Variants in PGM1 observed in about 807,000 individuals in gnomAD.
PGM1 encodes phosphoglucomutase 1.
PGM1 carries 52 observed loss-of-function variants against 55.6 expected under a neutral mutation model. The ratio of observed to expected loss-of-function variants is 0.94; its 90% CI spans 0.75 to 1.18. PGM1 has a LOEUF of 1.18. Among genes scored for constraint, PGM1 ranks in the 50% most tolerant of loss-of-function variants. PGM1 has a pLI of 0.00. For missense variants in PGM1, 724 were observed against 729.3 expected, an observed-to-expected ratio of 0.99 and a Z score of 0.08; for synonymous variants, 287 against 271.7, an observed-to-expected ratio of 1.06 and a Z score of -0.55.
chr1:63,623,581 C>T (rs373963576), intron 1 of PGM1: 532 of 1,612,638 alleles, frequency 3.3e-4, no homozygotes, highest in Non-Finnish European at 4.1e-4. Context: ...AAGTGGATTA[C>T]GGAAGAAAAC....
At position 63,631,695 on chromosome 1, in the gene PGM1, C is replaced by G; in HGVS notation, c.595C>G (p.Leu199Val). The G allele has an allele frequency of 6.2e-7, 1 of 1,612,850 alleles. No individual in the cohort carries two copies. The highest frequency in any genetic ancestry group is 8.5e-7 in the Non-Finnish European group (1 of 1,178,868). ...TTCGGTAGAAGCTTATGCTACAATG[C>G]TGAGAAGCATCTTTGATTTCAGTGC... ...VDSVEAYATM[L>V]RSIFDFSALK... Residue 199 changes from leucine to valine, a missense_variant, in exon 4 of 11, where the codon CTG (leucine) becomes GTG (valine). Physicochemically the swap from Leu to Val is conservative, Grantham distance 32 (BLOSUM62 1). Transcript: ENST00000371084.
intron 1 of PGM1, among the ~76,000 whole-genome samples, chr1:63,615,798 C>T (rs1648697130): frequency 1.3e-5 from 2 of 151,684 alleles, no homozygotes; most frequent in Admixed American, 6.6e-5. Context: ...CAGGAGTTCT[C>T]TCCTCTTCTT....
intron 1 of PGM1, among the ~76,000 whole-genome samples, chr1:63,603,499 CA>C (rs1648299637): frequency 6.6e-6 from 1 of 152,212 alleles, no homozygotes; most frequent in African/African-American, 2.4e-5. Context: ...CCTCGAGGCA[CA>C]TTGGTTTTTA....
At chr1:63,638,570 T>C in intron 6 of PGM1, 115 bp from the exon 7 acceptor site, 1 of 780,648 alleles carries the variant, frequency 1.3e-6, no homozygotes, top group South Asian at 1.4e-5. Flanking sequence ...TATGTATGAC[T>C]CTGAGCAATG....
chr1:63,639,179 G>A (rs1319649413), intron 7 of PGM1, among the ~76,000 whole-genome samples: 1 of 151,862 alleles, frequency 6.6e-6, no homozygotes, highest in African/African-American at 2.4e-5. Context: ...TCGGTTTTTT[G>A]TTTTTATTTA....
At chr1:63,624,901 ATCTGAATGC>A (rs1648979608) in intron 1 of PGM1, among the ~76,000 whole-genome samples, 1 of 152,230 alleles carries the variant, frequency 6.6e-6, no homozygotes. Context: ...CAGTTTCAGA[ATCTGAATGC>A]CTCTCATGTA....
At chr1:63,623,461 A>G (rs1305573759) in intron 1 of PGM1, 9 of 1,611,422 alleles carry the variant, frequency 5.6e-6, no homozygotes, top group Non-Finnish European at 7.6e-6. Context: ...GAAGTGAAGG[A>G]TGAGTGATTT....
chr1:63,625,280 G>A (rs749563754), intron 1 of PGM1, among the ~76,000 whole-genome samples: 23 of 152,172 alleles, frequency 1.5e-4, no homozygotes, highest in Non-Finnish European at 3.1e-4. Flanking sequence ...AGTGATAATT[G>A]ACTAAATATG....
chr1:63,636,176 G>A (rs1213320363), intron 5 of PGM1, 58 bp from the exon 6 acceptor site: 2 of 1,513,768 alleles, frequency 1.3e-6, no homozygotes, highest in East Asian at 4.5e-5. Flanking sequence ...ATGAAAGATA[G>A]TTTGATTTCT....
At chr1:63,636,560 C>G (rs1439487937) in intron 6 of PGM1, among the ~76,000 whole-genome samples, 172 bp downstream of exon 6, 1 of 152,148 alleles carries the variant, frequency 6.6e-6, no homozygotes, top group Non-Finnish European at 1.5e-5. Context: ...GGATTCAATG[C>G]CCCTCTCCGC....
Position 63,633,904 on chromosome 1 carries a change from GTGTGTGTGTGTGTGTATATA to G in PGM1, c.683-923_683-904del, listed in dbSNP as rs1279361025. Among the ~76,000 whole-genome samples, 159 of 35,992 alleles carry G rather than the reference GTGTGTGTGTGTGTGTATATA, an allele frequency of 4.4e-3. 4 individuals carry two copies. The highest frequency in any genetic ancestry group is 0.027 in the African/African-American group (152 of 5,550). 23.6% of individuals were successfully genotyped at this position (35,992 alleles called of 152,430 possible). On this transcript the variant is annotated intron_variant, in intron 4 of 10. Transcript: ENST00000371084. ...TGTGTGTGTGTGTGTGTGTGTGTGT[GTGTGTGTGTGTGTGTATATA>G]TATATATATTTTTTTTTTTTTTTTT...
At chr1:63,637,592 G>T (rs1263406283) in intron 6 of PGM1, among the ~76,000 whole-genome samples, 3 of 152,214 alleles carry the variant, frequency 2.0e-5, no homozygotes, top group Non-Finnish European at 2.9e-5. Context: ...AGTCAGGGAA[G>T]TTAGCAGTCT....
At position 63,593,596 on chromosome 1, in the gene PGM1, G is replaced by A. The variant is rs748607957; in HGVS notation, c.108G>A (p.Ala36=). The change falls in exon 1 of 11, where the codon GCG becomes GCA. Residue 36 remains alanine, a synonymous_variant. Coordinates refer to ENST00000371084, the MANE Select transcript of PGM1 (RefSeq NM_002633.3). ...TGTTCCAGAGCAGCGCCAACTACGC[G>A]GAGAACTTCATCCAGAGTATCATCT... The part of the protein sequence containing the change: ...VKVFQSSANY[A]ENFIQSIIST... The A allele has an allele frequency of 3.7e-6, 6 of 1,613,606 alleles. No homozygotes were observed. Among genetic ancestry groups the A allele is most frequent in the Admixed American group, 3.3e-5 (2 of 59,980 alleles).
chr1:63,604,652 CT>C (rs1648361180), intron 1 of PGM1, among the ~76,000 whole-genome samples: 1 of 152,112 alleles, frequency 6.6e-6, no homozygotes, highest in African/African-American at 2.4e-5. Context: ...AGAAGGAACA[CT>C]AGAAATATGT....
At chr1:63,636,593 C>T (rs1265251947) in intron 6 of PGM1, among the ~76,000 whole-genome samples, 1 of 152,164 alleles carries the variant, frequency 6.6e-6, no homozygotes, top group African/African-American at 2.4e-5. Context: ...CCCTGGGCCT[C>T]CTCCTCCTGG....
intron 1 of PGM1, among the ~76,000 whole-genome samples, chr1:63,594,660 G>T (rs979480037): frequency 5.3e-5 from 8 of 151,726 alleles, no homozygotes; most frequent in Admixed American, 2.6e-4. Context: ...GGAAATGTGG[G>T]GCCGGGCATG....
At chr1:63,639,019 C>T (rs1381576985) in intron 7 of PGM1, among the ~76,000 whole-genome samples, 1 of 152,102 alleles carries the variant, frequency 6.6e-6, no homozygotes, top group African/African-American at 2.4e-5. Flanking sequence ...ATCATATCGA[C>T]TCAGACAGGA....
chr1:63,613,259 CTTTTTTTT>C (rs11377805), intron 1 of PGM1, among the ~76,000 whole-genome samples: 3 of 107,830 alleles, frequency 2.8e-5, no homozygotes, highest in Admixed American at 1.0e-4. Flanking sequence ...GTTGGCTTAT[CTTTTTTTT>C]TTTTTTTTTT....
In PGM1 at chr1:63,593,709, T is replaced by A. The variant is rs1313048387; in HGVS notation, c.221T>A (p.Ile74Asn). 1 of 1,599,208 alleles carries A rather than the reference T, an allele frequency of 6.3e-7. No individual in the cohort carries two copies. The change falls in exon 1 of 11, where the codon ATC (isoleucine) becomes AAC (asparagine). Residue 74 changes from isoleucine (I) to asparagine (N), a missense_variant. By Grantham distance (149) the Ile-to-Asn change is moderately radical. This residue lies in a region of PGM1 where 379 missense variants were observed against 357.5 expected (regional missense o/e 1.06). Coordinates refer to ENST00000371084, the MANE Select transcript of PGM1 (RefSeq NM_002633.3). ...TACATGAAGGAGGCCATCCAGCTCA[T>A]CGCTCGCATCGCTGCCGCCAACGGG... The part of the protein sequence containing the change: ...RFYMKEAIQL[I>N]ARIAAANGIG...
Sources: allele counts gnomAD v4.1 joint callset (sites outside exome capture counted in the v4.1 genomes callset), GRCh38; gene constraint gnomAD v4.1.1; regional missense constraint gnomAD v4.1.1; transcripts MANE v1.5; gene names NCBI Gene and HGNC (gene_info 2026-07-23, HGNC 2026-07-21).